GSK3B: variants seen among roughly 807,000 people sequenced by gnomAD.
GSK3B encodes the protein glycogen synthase kinase 3 beta.
Under a neutral mutation model 56.4 loss-of-function variants are expected in GSK3B, and 15 were observed. That is an observed-to-expected ratio of 0.27 (90% CI 0.18 to 0.41). The LOEUF (loss-of-function observed/expected upper bound fraction) is 0.41, where lower values mean the gene tolerates loss of function less well. Among genes scored for constraint, GSK3B ranks in the 10% least tolerant of loss-of-function variants. The pLI, the probability that GSK3B is intolerant of heterozygous loss-of-function variation, is 1.00. For missense variants in GSK3B, 300 were observed against 513.4 expected, an observed-to-expected ratio of 0.58 and a Z score of 4.02; for synonymous variants, 181 against 188.9, an observed-to-expected ratio of 0.96 and a Z score of 0.34.
chr3:119,978,864 T>C (rs1480715979), intron 2 of GSK3B, among the ~76,000 whole-genome samples: 1 of 152,206 alleles, frequency 6.6e-6, no homozygotes, highest in Non-Finnish European at 1.5e-5. Flanking sequence ...AGGACTAAGC[T>C]AGAGGAAATC....
chr3:119,946,835 C>A (rs759196100), intron 3 of GSK3B, among the ~76,000 whole-genome samples: 4 of 152,094 alleles, frequency 2.6e-5, no homozygotes, highest in Non-Finnish European at 5.9e-5. Flanking sequence ...CAACTTGCTT[C>A]CAAATGTTTA....
chr3:119,868,736 T>C (rs1214864085), intron 8 of GSK3B, among the ~76,000 whole-genome samples: 6 of 152,218 alleles, frequency 3.9e-5, no homozygotes, highest in Admixed American at 2.0e-4. Flanking sequence ...TTTTTATTAC[T>C]ATAAATGTAC....
At chr3:120,051,238 A>T (rs934993973) in intron 1 of GSK3B, among the ~76,000 whole-genome samples, 2 of 152,106 alleles carry the variant, frequency 1.3e-5, no homozygotes, top group Non-Finnish European at 2.9e-5. Context: ...ATATTGAAAG[A>T]AAGTCAGAAA....
intron 10 of GSK3B, chr3:119,833,031 A>G (rs559287507): frequency 1.1e-6 from 1 of 942,666 alleles, no homozygotes; most frequent in East Asian, 1.2e-4. Context: ...ATTAATGGTC[A>G]ACTGTCTCAA....
Position 119,863,456 on chromosome 3 carries a change from C to G in GSK3B, c.1059G>C (p.Gly353=). 2 of 1,613,982 alleles carry G rather than the reference C, an allele frequency of 1.2e-6. No individual in the cohort carries two copies. The highest frequency in any genetic ancestry group is 8.5e-7 in the Non-Finnish European group (1 of 1,179,944). The change falls in exon 9 of 11, where the codon GGG becomes GGC. Residue 353 remains glycine, a synonymous_variant. Transcript: ENST00000264235. ...LRDPNVKLPN[G]RDTPALFNFT... The stretch of plus-strand genomic sequence containing the variant: ...AGTTGAAGAGTGCAGGTGTGTCTCG[C>G]CCATTTGGTAGTTTGACATTTGGGT...
Position 119,823,152 on chromosome 3 carries a change from T to C in GSK3B, c.*3636A>G, listed in dbSNP as rs1384935507. 8.7e-6 allele frequency: 2 copies of C among 229,884 alleles called. No individual in the cohort carries two copies. The highest frequency in any genetic ancestry group is 1.7e-5 in the Non-Finnish European group (2 of 116,022). The allele number at this position is 229,884 out of a possible 1,614,324, so 14.2% of individuals were successfully genotyped here. A position where few individuals can be genotyped will look rare whatever the true frequency, so the allele number is the denominator to read the frequency against. ...AAATAGTAACCTTTGGTTTGGTAGT[T>C]TTTTCTTCTATTCAAGACATTTTAT... On this transcript the variant is annotated 3_prime_UTR_variant, in exon 11 of 11. Coordinates refer to ENST00000264235, the MANE Select transcript of GSK3B (RefSeq NM_001146156.2).
intron 1 of GSK3B, among the ~76,000 whole-genome samples, chr3:120,082,983 A>G (rs1261361568): frequency 6.6e-6 from 1 of 151,598 alleles, no homozygotes; most frequent in East Asian, 1.9e-4. Context: ...TAATATTAAT[A>G]TTTTTCAGAT....
chr3:119,916,432 T>A (rs1382753738), intron 4 of GSK3B, among the ~76,000 whole-genome samples: 1 of 152,176 alleles, frequency 6.6e-6, no homozygotes, highest in Non-Finnish European at 1.5e-5. Context: ...AATTTTACAA[T>A]GTGCTTTATA....
chr3:119,864,953 T>C (rs1402456606), intron 8 of GSK3B, among the ~76,000 whole-genome samples: 2 of 152,214 alleles, frequency 1.3e-5, no homozygotes, highest in Admixed American at 6.5e-5. Flanking sequence ...GAAACCTTTT[T>C]GTAAGGTCAA....
chr3:119,934,423 G>A lies in GSK3B; in HGVS notation c.367-10940C>T, dbSNP rs538513672. ...TAGTGAGGCATCCTACAAAACATCT[G>A]ACCAGTACTCCAAAAAACTGTCGAG... On this transcript the variant is annotated intron_variant, in intron 3 of 10. Coordinates refer to ENST00000264235, the MANE Select transcript of GSK3B (RefSeq NM_001146156.2). Among the ~76,000 whole-genome samples, 14 of 152,242 alleles carry A rather than the reference G, an allele frequency of 9.2e-5. 1 individual carries two copies. The East Asian group carries it at 2.7e-3, about 29-fold the overall frequency.
At chr3:119,866,436 T>C (rs1268990222) in intron 8 of GSK3B, among the ~76,000 whole-genome samples, 3 of 152,202 alleles carry the variant, frequency 2.0e-5, no homozygotes, top group Non-Finnish European at 2.9e-5. Flanking sequence ...GTGAAACCTA[T>C]GCCATACAGT....
At chr3:119,976,869 T>C (rs1414691924) in intron 2 of GSK3B, among the ~76,000 whole-genome samples, 1 of 150,166 alleles carries the variant, frequency 6.7e-6, no homozygotes, top group Non-Finnish European at 1.5e-5. Context: ...CTCAGATATA[T>C]ATGGGAATTT....
rs2055415431 is a variant in GSK3B, at chr3:119,821,936, G to T, written c.*4852C>A. 1 of 180,898 alleles carries T rather than the reference G, an allele frequency of 5.5e-6. No homozygotes were observed. Among genetic ancestry groups the T allele is most frequent in the South Asian group, 2.0e-4 (1 of 5,072 alleles). 11.2% of individuals were successfully genotyped at this position (180,898 alleles called of 1,614,324 possible). A position where few individuals can be genotyped will look rare whatever the true frequency, so the allele number is the denominator to read the frequency against. ...GAAGAGGGTTGGGTACTGAAATAAA[G>T]ACCACACACTTGTGAATTTTAATTT... On this transcript the variant is annotated 3_prime_UTR_variant, in exon 11 of 11. Coordinates refer to ENST00000264235, the MANE Select transcript of GSK3B (RefSeq NM_001146156.2).
At chr3:119,866,702 A>C in intron 8 of GSK3B, 1 of 895,900 alleles carries the variant, frequency 1.1e-6, no homozygotes, top group Non-Finnish European at 1.8e-6. Flanking sequence ...AGCAAGGAAA[A>C]ATATATCCAA....
At chr3:120,008,348 GA>G (rs1414649302) in intron 1 of GSK3B, among the ~76,000 whole-genome samples, 1 of 152,072 alleles carries the variant, frequency 6.6e-6, no homozygotes, top group Admixed American at 6.6e-5. Context: ...CACAGAATTG[GA>G]AAAAACTACT....
rs926943721 is a variant in GSK3B at position 119,925,623 on chromosome 3, A to T, written c.367-2140T>A. On this transcript the variant is annotated intron_variant, in intron 3 of 10. Transcript: ENST00000264235. ...CTGTACTCAAGGTCATTGCTCCAGA[A>T]TTTTTTTTGTCTTTCTGCATTAATT... is the stretch of plus-strand genomic sequence containing the variant. Among the ~76,000 whole-genome samples the T allele has an allele frequency of 3.9e-5, 6 of 151,902 alleles. No individual in the cohort carries two copies. The East Asian group carries it at 7.7e-4, about 20-fold the overall frequency.
chr3:120,007,380 A>G (rs2057738928), intron 1 of GSK3B, among the ~76,000 whole-genome samples: 1 of 152,160 alleles, frequency 6.6e-6, no homozygotes, highest in Non-Finnish European at 1.5e-5. Context: ...AATCAATAGA[A>G]AAAAGGGGAA....
chr3:120,047,846 A>T (rs1300153291), intron 1 of GSK3B, among the ~76,000 whole-genome samples: 1 of 152,214 alleles, frequency 6.6e-6, no homozygotes, highest in East Asian at 1.9e-4. Flanking sequence ...AATGATGAAG[A>T]TGTTCTGTAC....
chr3:120,065,427 C>A (rs925162240), intron 1 of GSK3B, among the ~76,000 whole-genome samples: 9 of 152,116 alleles, frequency 5.9e-5, no homozygotes, highest in African/African-American at 1.9e-4. Flanking sequence ...AATACCAGTT[C>A]ATACCCACCA....
Sources: gnomAD v4.1 joint callset for allele counts (sites outside exome capture counted in the v4.1 genomes callset) on GRCh38, gnomAD v4.1.1 for gene constraint, MANE v1.5 for transcripts, NCBI Gene and HGNC (gene_info 2026-07-23, HGNC 2026-07-21) for gene names.